The following KCNG4 variants were observed in gnomAD, a reference collection of about 807,000 sequenced individuals.
The protein encoded by KCNG4 is potassium voltage-gated channel modifier subfamily G member 4.
A neutral mutation model predicts 28.2 loss-of-function variants in KCNG4; 30 were observed. The observed-to-expected ratio is 1.06, with a 90% CI of 0.80 to 1.44. KCNG4 has a LOEUF of 1.44. Among genes scored for constraint, KCNG4 ranks in the 40% most tolerant of loss-of-function variants. The pLI is 0.00. For missense variants in KCNG4, 879 were observed against 712.3 expected (o/e 1.23, Z -2.66); for synonymous variants, 375 against 315.5 (o/e 1.19, Z -2.00).
At chr16:84,228,683 A>G (rs1362464108) in intron 2 of KCNG4, among the ~76,000 whole-genome samples, 1 of 152,032 alleles carries the variant, frequency 6.6e-6, no homozygotes, top group East Asian at 1.9e-4. Flanking sequence ...GAGTGCTGGA[A>G]CCAACCGGAC....
intron 1 of KCNG4, among the ~76,000 whole-genome samples, chr16:84,239,432 TC>T (rs1307923632): frequency 1.3e-5 from 2 of 152,120 alleles, no homozygotes; most frequent in African/African-American, 4.8e-5. Flanking sequence ...CAGCACTCTG[TC>T]CCCCAGCCTG....
chr16:84,237,047 G>C lies in KCNG4; in HGVS notation c.439C>G (p.Leu147Val), dbSNP rs755795691. 2.5e-6 allele frequency: 4 copies of C among 1,613,962 alleles called. No homozygotes were observed. In the East Asian group the frequency reaches 8.9e-5, roughly 36 times the overall value. The stretch of plus-strand genomic sequence containing the variant: ...GCCTCCTCGATGCCCCAGTAGGCCA[G>C]CTCCTCCTGGAAGGACAGCGCGCAC... ...EMCALSFQEE[L>V]AYWGIEEAHL... The change falls in exon 2 of 3, where the codon CTG becomes GTG. Residue 147 changes from leucine (L) to valine (V), a missense_variant. Leu to Val is a conservative substitution (Grantham distance 32, BLOSUM62 1). Coordinates refer to ENST00000308251, the MANE Select transcript of KCNG4 (RefSeq NM_172347.3).
chr16:84,223,068 C>T, intron 2 of KCNG4, 48 bp from the exon 3 acceptor site: 2 of 1,441,668 alleles, frequency 1.4e-6, no homozygotes, highest in African/African-American at 1.4e-5. Context: ...GGACTTGCAA[C>T]TGTGCTGGAA....
At chr16:84,232,381 T>C (rs1904847145) in intron 2 of KCNG4, among the ~76,000 whole-genome samples, 1 of 152,122 alleles carries the variant, frequency 6.6e-6, no homozygotes, top group African/African-American at 2.4e-5. Flanking sequence ...AATAGGCTAA[T>C]TCATGGAGAT....
Position 84,237,308 on chromosome 16 carries a change from CCTT to C in KCNG4, c.175_177del (p.Lys59del). 1.3e-6 allele frequency: 2 copies of C among 1,595,700 alleles called. No individual in the cohort carries two copies. The highest frequency in any genetic ancestry group is 1.7e-6 in the Non-Finnish European group (2 of 1,169,964). On this transcript the variant is annotated inframe_deletion, in exon 2 of 3. Coordinates refer to ENST00000308251, the MANE Select transcript of KCNG4 (RefSeq NM_172347.3). ...CTGCCCCCCACGTTGATCAGGATCT[CCTT>C]CTTCAGGTCCACTGGGGAGGCGTCC... is the stretch of plus-strand genomic sequence containing the variant.
intron 2 of KCNG4, among the ~76,000 whole-genome samples, chr16:84,223,222 C>T (rs554347971): frequency 1.2e-4 from 19 of 152,248 alleles, no homozygotes; most frequent in South Asian, 4.1e-4. Flanking sequence ...CTTCCCTTGC[C>T]GCTAGGTGTG....
rs201858900 is a variant in KCNG4 at position 84,236,823 on chromosome 16, C to G, written c.663G>C (p.Lys221Asn). The G allele has an allele frequency of 3.5e-5, 57 of 1,613,724 alleles. No individual in the cohort carries two copies. In the Admixed American group the frequency reaches 8.3e-4, roughly 24 times the overall value. Reference protein sequence around the residue: ...VENPQSGLPGKVFACLSILFV... With the variant: ...VENPQSGLPGNVFACLSILFV... ...AGAGGATGGAGAGGCAAGCGAAGACCTTCCCGGGCAGCCCGGACTGCGGGT... is the reference window on the plus strand; with the variant it reads ...AGAGGATGGAGAGGCAAGCGAAGACGTTCCCGGGCAGCCCGGACTGCGGGT... Residue 221 changes from lysine to asparagine, a missense_variant, in exon 2 of 3, where the codon AAG becomes AAC. Coordinates refer to ENST00000308251, the MANE Select transcript of KCNG4 (RefSeq NM_172347.3).
chr16:84,234,654 C>G (rs574477405), intron 2 of KCNG4, among the ~76,000 whole-genome samples: 13 of 152,284 alleles, frequency 8.5e-5, no homozygotes, highest in African/African-American at 3.1e-4. Context: ...TCTGTTCCCC[C>G]ACCCATCGTG....
chr16:84,233,267 G>C (rs1567626453), intron 2 of KCNG4, among the ~76,000 whole-genome samples: 1 of 152,188 alleles, frequency 6.6e-6, no homozygotes, highest in Non-Finnish European at 1.5e-5. Context: ...TTAGTCATGG[G>C]TGAGGCCAAG....
chr16:84,237,958 A>C (rs764641005), intron 1 of KCNG4, among the ~76,000 whole-genome samples: 9 of 152,098 alleles, frequency 5.9e-5, no homozygotes, highest in Admixed American at 2.6e-4. Flanking sequence ...AGAGCTTAAG[A>C]ATGTAGGCTC....
Position 84,220,061 on chromosome 16 carries a change from A to C in KCNG4, c.*2156T>G, listed in dbSNP as rs1419647960. The C allele has an allele frequency of 6.6e-6, 1 of 150,480 alleles. No homozygotes were observed. Among genetic ancestry groups the C allele is most frequent in the African/African-American group, 2.5e-5 (1 of 39,960 alleles). The allele number at this position is 150,480 out of a possible 1,614,324, so 9.3% of individuals were successfully genotyped here. On this transcript the variant is annotated 3_prime_UTR_variant, in exon 3 of 3. Transcript: ENST00000308251. Reference sequence around the variant, plus strand: ...CTGGCGGACAGAGAGAGACTCTGTCAATAAATAAATAAATAAATAAGTAAT... The same window carrying C: ...CTGGCGGACAGAGAGAGACTCTGTCCATAAATAAATAAATAAATAAGTAAT...
intron 2 of KCNG4, among the ~76,000 whole-genome samples, chr16:84,224,741 G>C (rs1597616178): frequency 6.6e-6 from 1 of 152,240 alleles, no homozygotes; most frequent in African/African-American, 2.4e-5. Flanking sequence ...CTGCCAAGGG[G>C]TGGAGTCCAG....
At chr16:84,228,340 G>A (rs1260823246) in intron 2 of KCNG4, among the ~76,000 whole-genome samples, 2 of 152,194 alleles carry the variant, frequency 1.3e-5, no homozygotes, top group Non-Finnish European at 2.9e-5. Context: ...GGTCCATTCT[G>A]CAGCTCGGCA....
chr16:84,229,839 G>A (rs1036302694), intron 2 of KCNG4, among the ~76,000 whole-genome samples: 2 of 152,118 alleles, frequency 1.3e-5, no homozygotes, highest in African/African-American at 4.8e-5. Flanking sequence ...ACAGCTGCAG[G>A]AAAAAAACAA....
chr16:84,224,153 C>A (rs1904642802), intron 2 of KCNG4, among the ~76,000 whole-genome samples: 1 of 152,126 alleles, frequency 6.6e-6, no homozygotes, highest in Non-Finnish European at 1.5e-5. Flanking sequence ...TCATATTCTG[C>A]AGTTAACAAG....
At chr16:84,225,705 C>A (rs761306831) in intron 2 of KCNG4, among the ~76,000 whole-genome samples, 18 of 152,380 alleles carry the variant, frequency 1.2e-4, no homozygotes, top group Admixed American at 3.9e-4. Context: ...AAGGCGCTGC[C>A]AGGTCCTCCT....
At chr16:84,235,057 G>A (rs1297139322) in intron 2 of KCNG4, among the ~76,000 whole-genome samples, 1 of 152,174 alleles carries the variant, frequency 6.6e-6, no homozygotes, top group East Asian at 1.9e-4. Context: ...AGGAGACGTG[G>A]CTGCCTGATC....
Position 84,237,135 on chromosome 16 carries a change from G to A in KCNG4, c.351C>T (p.Pro117=), listed in dbSNP as rs1475433845. ...AGCTCACGATCACCCCGAAGGCGCT[G>A]GGGCTCCTGTCGAAGAAGAACTCCT... ...DSQEFFFDRS[P]SAFGVIVSFL... is the part of the protein sequence containing the mutation. The change falls in exon 2 of 3, where the codon CCC becomes CCT. Residue 117 remains proline, a synonymous_variant. Coordinates refer to ENST00000308251, the MANE Select transcript of KCNG4 (RefSeq NM_172347.3). 1 of 1,614,024 alleles carries A rather than the reference G, an allele frequency of 6.2e-7. No individual in the cohort carries two copies. Among genetic ancestry groups the A allele is most frequent in the Non-Finnish European group, 8.5e-7 (1 of 1,180,030 alleles).
At position 84,220,637 on chromosome 16, in the gene KCNG4, T is replaced by A. The variant is rs182121506; in HGVS notation, c.*1580A>T. ...CACTTCACTGTCACCTGTTTTGATC[T>A]TGTGCACTTTCTTCAAGAGTCCTAG... On this transcript the variant is annotated 3_prime_UTR_variant, in exon 3 of 3. Transcript: ENST00000308251. 1.3e-5 allele frequency: 2 copies of A among 152,412 alleles called. No individual in the cohort carries two copies. Among genetic ancestry groups the A allele is most frequent in the Admixed American group, 1.3e-4 (2 of 15,306 alleles). The allele number at this position is 152,412 out of a possible 1,614,324, so 9.4% of individuals were successfully genotyped here. A position where few individuals can be genotyped will look rare whatever the true frequency, so the allele number is the denominator to read the frequency against.
Sources: allele counts gnomAD v4.1 joint callset (sites outside exome capture counted in the v4.1 genomes callset), GRCh38; gene constraint gnomAD v4.1.1; transcripts MANE v1.5; gene names NCBI Gene and HGNC (gene_info 2026-07-23, HGNC 2026-07-21).